Variants in AK8 observed in about 807,000 individuals in gnomAD.
AK8 encodes the protein adenylate kinase 8, also known as ATP-AMP transphosphorylase 8.
A neutral mutation model predicts 54.6 loss-of-function variants in AK8; 44 were observed. The observed-to-expected ratio is 0.81, with a 90% CI of 0.63 to 1.04. The LOEUF is 1.04. AK8 is among the 50% of genes least tolerant of loss of function. AK8 has a pLI of 0.00. For synonymous variants in AK8, 239 were observed against 245.6 expected, an observed-to-expected ratio of 0.97 and a Z score of 0.25; for missense variants, 555 against 613.6, an observed-to-expected ratio of 0.90 and a Z score of 1.01.
At chr9:132,852,765 G>T (rs1354994754) in intron 5 of AK8, among the ~76,000 whole-genome samples, 1 of 87,812 alleles carries the variant, frequency 1.1e-5, no homozygotes, top group Non-Finnish European at 2.0e-5. Context: ...GTGAGATTAG[G>T]TCTCAAAAAA....
rs1177032220 is a variant in AK8, at chr9:132,860,146, C to T, written c.333+3519G>A. On this transcript the variant is annotated intron_variant, in intron 4 of 12. Coordinates refer to ENST00000298545, the MANE Select transcript of AK8 (RefSeq NM_152572.3). This position sits in a 1 kb window ranked among gnomAD's most constrained non-coding sequence, Gnocchi z 4.4. ...CAGCCAGCGTCTTCAGGGCATCAAACGTCTCTTCCAGCCCGGCCTGGACCC... is the reference window on the plus strand; with the variant it reads ...CAGCCAGCGTCTTCAGGGCATCAAATGTCTCTTCCAGCCCGGCCTGGACCC... Among the ~76,000 whole-genome samples, 7 of 152,074 alleles carry T rather than the reference C, an allele frequency of 4.6e-5. No individual in the cohort carries two copies. The highest frequency in any genetic ancestry group is 4.6e-4 in the Admixed American group (7 of 15,258).
At chr9:132,849,656 C>T (rs1483533294) in intron 5 of AK8, among the ~76,000 whole-genome samples, 1 of 152,208 alleles carries the variant, frequency 6.6e-6, no homozygotes, top group Non-Finnish European at 1.5e-5. Flanking sequence ...TGATGGAGAT[C>T]CCATGGCTGA....
intron 11 of AK8, among the ~76,000 whole-genome samples, chr9:132,741,351 G>T (rs547548528): frequency 6.6e-6 from 1 of 152,344 alleles, no homozygotes; most frequent in South Asian, 2.1e-4. Flanking sequence ...ACTGGGCACT[G>T]CACCACGCCT....
intron 11 of AK8, among the ~76,000 whole-genome samples, chr9:132,731,633 A>C (rs185500168): frequency 1.1e-4 from 17 of 152,346 alleles, no homozygotes; most frequent in Admixed American, 2.0e-4. Flanking sequence ...CTGCATATGG[A>C]CATGGAAAGT....
At chr9:132,834,421 CT>C (rs1229122194) in intron 5 of AK8, among the ~76,000 whole-genome samples, 1 of 152,206 alleles carries the variant, frequency 6.6e-6, no homozygotes, top group Non-Finnish European at 1.5e-5. Flanking sequence ...CCATATTCAA[CT>C]CACCTGAAAG....
rs1003830698 is a variant in AK8, at chr9:132,799,386, A to C, written c.980-6611T>G. On this transcript the variant is annotated intron_variant, in intron 10 of 12. Transcript: ENST00000298545. This position sits in a 1 kb window ranked among gnomAD's most constrained non-coding sequence, Gnocchi z 5.0. The stretch of plus-strand genomic sequence containing the variant: ...TTGATTGCTAGACTCACGACAAGCC[A>C]TGTGAGCCTCCTTGGCACCCTAGGG... Among the ~76,000 whole-genome samples, 2 of 152,124 alleles carry C rather than the reference A, an allele frequency of 1.3e-5. No homozygotes were observed. Among genetic ancestry groups the C allele is most frequent in the African/African-American group, 2.4e-5 (1 of 41,420 alleles).
chr9:132,824,413 G>A (rs916915191), intron 8 of AK8, among the ~76,000 whole-genome samples: 5 of 152,280 alleles, frequency 3.3e-5, no homozygotes, highest in Admixed American at 1.3e-4. Flanking sequence ...GGTGGGTGCC[G>A]TGCTGGGTGA....
At chr9:132,769,983 AG>A (rs773805029) in intron 11 of AK8, 4 of 152,192 alleles carry the variant, frequency 2.6e-5, no homozygotes, top group Admixed American at 6.5e-5. Context: ...TAGTCTTACA[AG>A]GCTAATTATT....
At chr9:132,763,795 T>C (rs1217204618) in intron 11 of AK8, among the ~76,000 whole-genome samples, 2 of 152,236 alleles carry the variant, frequency 1.3e-5, no homozygotes, top group Non-Finnish European at 2.9e-5. Flanking sequence ...TTAATTAAAG[T>C]CTGCTGAATT....
At chr9:132,802,446 G>A (rs1278010450) in intron 10 of AK8, among the ~76,000 whole-genome samples, 1 of 152,176 alleles carries the variant, frequency 6.6e-6, no homozygotes, top group Non-Finnish European at 1.5e-5. Flanking sequence ...GGGATGCCTG[G>A]CCGCTGGCCC....
chr9:132,835,547 A>G (rs1344099454), intron 5 of AK8, among the ~76,000 whole-genome samples: 2 of 152,240 alleles, frequency 1.3e-5, no homozygotes, highest in Non-Finnish European at 2.9e-5. Flanking sequence ...AACGGCGGAA[A>G]GCAGTGGCTT....
At chr9:132,759,267 C>G in intron 11 of AK8, among the ~76,000 whole-genome samples, 1 of 150,800 alleles carries the variant, frequency 6.6e-6, no homozygotes, top group Non-Finnish European at 1.5e-5. Flanking sequence ...ATTCTATGAT[C>G]TGTTCCTGAT....
chr9:132,754,806 T>G (rs576890007), intron 11 of AK8, among the ~76,000 whole-genome samples: 206 of 151,930 alleles, frequency 1.4e-3, no homozygotes, highest in African/African-American at 3.4e-3. Flanking sequence ...TTTGGTTTTT[T>G]TTTTTTTTTT....
At chr9:132,848,542 A>G (rs924035985) in intron 5 of AK8, among the ~76,000 whole-genome samples, 6 of 152,126 alleles carry the variant, frequency 3.9e-5, no homozygotes, top group African/African-American at 9.7e-5. Context: ...CGGCCCCTCC[A>G]CAGTCCACTC....
intron 5 of AK8, among the ~76,000 whole-genome samples, chr9:132,853,783 CAAAAAAAAAA>C (rs71376669): frequency 1.9e-4 from 8 of 42,600 alleles, no homozygotes; most frequent in Admixed American, 1.2e-3. Context: ...GACTCTGCCT[CAAAAAAAAAA>C]AAAAAAAAAA....
chr9:132,776,611 C>T (rs114443257), intron 11 of AK8, among the ~76,000 whole-genome samples: 1,852 of 152,292 alleles, frequency 0.012, 34 homozygotes, highest in African/African-American at 0.042. Context: ...TGCTGCGGGG[C>T]CGCCACGCTG....
intron 10 of AK8, among the ~76,000 whole-genome samples, chr9:132,805,419 C>A (rs957572211): frequency 6.6e-6 from 1 of 152,242 alleles, no homozygotes; most frequent in Non-Finnish European, 1.5e-5. Context: ...GACCTACCCC[C>A]CTCCGGCAGC....
At chr9:132,844,813 A>T (rs555138278) in intron 5 of AK8, among the ~76,000 whole-genome samples, 1 of 152,372 alleles carries the variant, frequency 6.6e-6, no homozygotes, top group South Asian at 2.1e-4. Context: ...ATGGTTTTAT[A>T]GATGGAAAAA....
rs151116864 is a variant in AK8 at position 132,866,142 on chromosome 9, G to A, written c.219+762C>T. 4.2e-3 allele frequency among the ~76,000 whole-genome samples: 636 copies of A among 152,318 alleles called. 8 individuals carry two copies. Among genetic ancestry groups the A allele is most frequent in the African/African-American group, 0.014 (583 of 41,570 alleles). ...GAACCTAGGAGGCAGAGGTTGCAGT[G>A]AGCCCAGATCGCACCACTGCATTCC... is the stretch of plus-strand genomic sequence containing the variant. On this transcript the variant is annotated intron_variant, in intron 3 of 12. Transcript: ENST00000298545.
Sources: allele counts gnomAD v4.1 joint callset (sites outside exome capture counted in the v4.1 genomes callset), GRCh38; gene constraint gnomAD v4.1.1; non-coding constraint Gnocchi (gnomAD v3.1); transcripts MANE v1.5; gene names NCBI Gene and HGNC (gene_info 2026-07-23, HGNC 2026-07-21).